Variants in SV2C observed in about 807,000 individuals in gnomAD.
The protein encoded by SV2C is synaptic vesicle glycoprotein 2C.
SV2C carries 49 observed loss-of-function variants against 79.7 expected under a neutral mutation model. That is an observed-to-expected ratio of 0.61 (90% CI 0.49 to 0.78). SV2C has a LOEUF of 0.78. SV2C is among the 30% of genes least tolerant of loss of function. SV2C has a pLI of 0.00. For synonymous variants in SV2C, 334 were observed against 333.2 expected, an observed-to-expected ratio of 1.00 and a Z score of -0.03; for missense variants, 833 against 912.9, an observed-to-expected ratio of 0.91 and a Z score of 1.13.
chr5:75,896,318 G>T, the SV2C span, among the ~76,000 whole-genome samples: 1 of 151,248 alleles, frequency 6.6e-6, no homozygotes, highest in East Asian at 2.0e-4. Context: ...GCGGTGTTTG[G>T]TTTTTTGTTC....
At chr5:76,202,449 G>A (rs1744480162) in intron 3 of SV2C, among the ~76,000 whole-genome samples, 1 of 152,170 alleles carries the variant, frequency 6.6e-6, no homozygotes, top group Non-Finnish European at 1.5e-5. Context: ...CAGGCAGTCT[G>A]GCTCCAGGGC....
At chr5:75,883,743 T>C in the SV2C span, among the ~76,000 whole-genome samples, 5 of 148,758 alleles carry the variant, frequency 3.4e-5, no homozygotes, top group Non-Finnish European at 7.4e-5. Context: ...TGCTAGATGA[T>C]GAGTTAGTGG....
chr5:75,931,886 G>A, the SV2C span, among the ~76,000 whole-genome samples: 1 of 151,816 alleles, frequency 6.6e-6, no homozygotes, highest in African/African-American at 2.4e-5. Context: ...TCTCCACGTC[G>A]CTCCACCTCC....
downstream of SV2C, among the ~76,000 whole-genome samples, chr5:76,335,995 C>T (rs1397830472): frequency 2.6e-5 from 4 of 151,620 alleles, no homozygotes; most frequent in African/African-American, 9.7e-5. Flanking sequence ...CCAGTAGGGG[C>T]GGCCGGGCAG....
chr5:76,030,265 T>TGG, the SV2C span, among the ~76,000 whole-genome samples: 37 of 91,798 alleles, frequency 4.0e-4, 1 homozygote, highest in African/African-American at 1.3e-3. Flanking sequence ...GTCAGAGGCT[T>TGG]GTTTTTTTTT....
intron 4 of SV2C, among the ~76,000 whole-genome samples, chr5:76,241,580 C>CT (rs1745787048): frequency 1.3e-5 from 2 of 151,996 alleles, no homozygotes; most frequent in Admixed American, 1.3e-4. Context: ...TCCAGATTGC[C>CT]TAACACACTG....
At chr5:76,068,416 A>T in the SV2C span, among the ~76,000 whole-genome samples, 5 of 152,122 alleles carry the variant, frequency 3.3e-5, no homozygotes, top group Admixed American at 6.6e-5. Context: ...TTTTTTAAAA[A>T]ATATATATAA....
chr5:76,037,203 G>C, the SV2C span, among the ~76,000 whole-genome samples: 1 of 152,106 alleles, frequency 6.6e-6, no homozygotes. Context: ...TCCTCCCATA[G>C]CTCGGAGTAA....
rs180821918 is a variant in SV2C, at chr5:76,200,207, T to G, written c.761+5108T>G. Among the ~76,000 whole-genome samples the G allele has an allele frequency of 1.5e-3, 225 of 152,338 alleles. 1 individual carries two copies. The highest frequency in any genetic ancestry group is 2.7e-3 in the Admixed American group (42 of 15,304). On this transcript the variant is annotated intron_variant, in intron 3 of 12. Coordinates refer to ENST00000502798, the MANE Select transcript of SV2C (RefSeq NM_014979.4). ...GCACTGAATCCATCCCGTGCCTGAT[T>G]CCACAGTTCTGGACTGCATAATTGG...
chr5:75,918,501 T>G, the SV2C span, among the ~76,000 whole-genome samples: 1 of 152,198 alleles, frequency 6.6e-6, no homozygotes, highest in African/African-American at 2.4e-5. Flanking sequence ...AAGCTCCAAG[T>G]TTAGAAATAT....
At chr5:76,039,219 A>G in the SV2C span, among the ~76,000 whole-genome samples, 22 of 152,150 alleles carry the variant, frequency 1.4e-4, no homozygotes, top group African/African-American at 5.3e-4. Flanking sequence ...ATGAGGACCA[A>G]CTGTTGCCCG....
intron 4 of SV2C, among the ~76,000 whole-genome samples, chr5:76,217,948 CGA>C (rs1189672062): frequency 2.0e-5 from 3 of 152,142 alleles, no homozygotes; most frequent in Non-Finnish European, 4.4e-5. Context: ...ATAGAAATAA[CGA>C]GAGTCTGACA....
chr5:76,134,208 C>G lies in SV2C; in HGVS notation c.580+1878C>G, dbSNP rs78696681. Among the ~76,000 whole-genome samples the G allele has an allele frequency of 2.0e-5, 3 of 152,228 alleles. No individual in the cohort carries two copies. In the East Asian group the frequency reaches 5.8e-4, roughly 29 times the overall value. ...TATTCTCATCTGCCCATAAATGTTG[C>G]CTGCTTTAGTGAATTAAAAATATGT... On this transcript the variant is annotated intron_variant, in intron 2 of 12. Transcript: ENST00000502798.
At chr5:76,340,439 T>C (rs4704306) in intron 12 of SV2C, among the ~76,000 whole-genome samples, 106,684 of 152,046 alleles carry the variant, frequency 0.7, 38,606 homozygotes, top group East Asian at 0.96. Flanking sequence ...CTGATTGGGA[T>C]CCCTTTCTGT....
chr5:75,963,296 A>G, the SV2C span, among the ~76,000 whole-genome samples: 4 of 152,036 alleles, frequency 2.6e-5, no homozygotes, highest in Non-Finnish European at 5.9e-5. Flanking sequence ...TTTTACCTCC[A>G]TTTTGCTTGA....
chr5:75,992,857 A>T, the SV2C span, among the ~76,000 whole-genome samples: 3 of 152,076 alleles, frequency 2.0e-5, no homozygotes, highest in Non-Finnish European at 4.4e-5. Flanking sequence ...AGAGATCTAC[A>T]GGCAGAGGAA....
the SV2C span, among the ~76,000 whole-genome samples, chr5:75,980,739 A>T: frequency 6.6e-6 from 1 of 152,194 alleles, no homozygotes; most frequent in Admixed American, 6.5e-5. Context: ...TATATGACAA[A>T]CCCATAACCA....
At chr5:75,855,068 CTTTG>C in the SV2C span, among the ~76,000 whole-genome samples, 3 of 152,166 alleles carry the variant, frequency 2.0e-5, no homozygotes, top group African/African-American at 7.2e-5. Context: ...AGTCCTTTGA[CTTTG>C]TTTTTCTTTT....
intron 4 of SV2C, among the ~76,000 whole-genome samples, chr5:76,270,968 C>T (rs1370780379): frequency 1.3e-5 from 2 of 151,946 alleles, no homozygotes; most frequent in East Asian, 3.9e-4. Context: ...GGGGTTTCAC[C>T]ATGTTGGCCA....
Sources: gnomAD v4.1 joint callset for allele counts (sites outside exome capture counted in the v4.1 genomes callset) on GRCh38, gnomAD v4.1.1 for gene constraint, MANE v1.5 for transcripts, NCBI Gene and HGNC (gene_info 2026-07-23, HGNC 2026-07-21) for gene names.